The following C2CD5 variants were observed in gnomAD, a reference collection of about 807,000 sequenced individuals.
C2CD5 encodes C2 calcium dependent domain containing 5.
C2CD5 carries 109 observed loss-of-function variants against 130.3 expected under a neutral mutation model. The ratio of observed to expected loss-of-function variants is 0.84; its 90% CI spans 0.72 to 0.98. The LOEUF is 0.98. Ranked by LOEUF, C2CD5 falls within the 50% of genes least tolerant of loss-of-function variation. C2CD5 has a pLI of 0.00. For missense variants in C2CD5, 996 were observed against 1,261.8 expected, an observed-to-expected ratio of 0.79 and a Z score of 3.19; for synonymous variants, 454 against 429.2, an observed-to-expected ratio of 1.06 and a Z score of -0.71.
chr12:22,504,812 T>G (rs1267217722), intron 10 of C2CD5, among the ~76,000 whole-genome samples: 1 of 151,046 alleles, frequency 6.6e-6, no homozygotes, highest in Non-Finnish European at 1.5e-5. Flanking sequence ...ATAATTCAAG[T>G]TCCTTAACAC....
At chr12:22,489,351 T>C (rs1946041466) in intron 12 of C2CD5, among the ~76,000 whole-genome samples, 1 of 151,734 alleles carries the variant, frequency 6.6e-6, no homozygotes, top group Non-Finnish European at 1.5e-5. Context: ...CAGTCACCCT[T>C]CCGTATCCAT....
chr12:22,478,506 G>GA (rs1157840267), intron 14 of C2CD5, 29 bp from the exon 15 acceptor site: 13 of 1,583,660 alleles, frequency 8.2e-6, no homozygotes, highest in African/African-American at 2.7e-5. Flanking sequence ...GAAATAATCA[G>GA]AAAAAATATC....
chr12:22,536,672 G>T (rs1202373589), intron 2 of C2CD5, among the ~76,000 whole-genome samples: 4 of 152,168 alleles, frequency 2.6e-5, no homozygotes, highest in Non-Finnish European at 5.9e-5. Flanking sequence ...TTGTTAAGAG[G>T]ATGAAGAATA....
intron 24 of C2CD5, 71 bp from the exon 25 acceptor site, chr12:22,457,232 A>G: frequency 9.3e-7 from 1 of 1,077,024 alleles, no homozygotes; most frequent in Non-Finnish European, 1.3e-6. Flanking sequence ...TGAGGTTTCC[A>G]AATAAGTGGT....
In C2CD5 at chr12:22,476,617, A is replaced by G. The variant is rs75349138; in HGVS notation, c.1902+1696T>C. On this transcript the variant is annotated intron_variant, in intron 15 of 26. Coordinates refer to ENST00000446597, the MANE Select transcript of C2CD5 (RefSeq NM_001286176.2). ...TTATTTAAACACATCCCTGTCTCCAAAGGGCTTACATTATAGTAAAGGAAG... is the reference window on the plus strand; with the variant it reads ...TTATTTAAACACATCCCTGTCTCCAGAGGGCTTACATTATAGTAAAGGAAG... Among the ~76,000 whole-genome samples, 1,169 of 152,188 alleles carry G rather than the reference A, an allele frequency of 7.7e-3. 18 individuals are homozygous for G. Among genetic ancestry groups the G allele is most frequent in the African/African-American group, 0.027 (1,123 of 41,544 alleles).
At chr12:22,510,576 T>G (rs1029692182) in intron 9 of C2CD5, among the ~76,000 whole-genome samples, 1 of 152,206 alleles carries the variant, frequency 6.6e-6, no homozygotes, top group Non-Finnish European at 1.5e-5. Flanking sequence ...TTTCTAGATA[T>G]AAAATCCATA....
At chr12:22,475,664 AAT>A (rs1943735069) in intron 15 of C2CD5, among the ~76,000 whole-genome samples, 2 of 152,160 alleles carry the variant, frequency 1.3e-5, no homozygotes, top group Admixed American at 6.6e-5. Flanking sequence ...ATTTTTCAAA[AAT>A]ATATAGTTTT....
intron 10 of C2CD5, chr12:22,502,891 T>C (rs1947976317): frequency 1.7e-5 from 12 of 705,316 alleles, no homozygotes; most frequent in South Asian, 1.3e-4. Flanking sequence ...AAGAACGCAA[T>C]TGACAACACC....
chr12:22,527,258 TA>T (rs1950799772), intron 4 of C2CD5, among the ~76,000 whole-genome samples: 1 of 151,162 alleles, frequency 6.6e-6, no homozygotes, highest in Non-Finnish European at 1.5e-5. Context: ...ACAATTTTAC[TA>T]ACAATAATTT....
chr12:22,502,640 T>C (rs533005841), intron 10 of C2CD5: 86 of 634,072 alleles, frequency 1.4e-4, no homozygotes, highest in African/African-American at 6.6e-4. Flanking sequence ...TATAACTGAA[T>C]TGACCTTAAA....
Position 22,544,306 on chromosome 12 carries a change from G to A in C2CD5, c.-30+14C>T, listed in dbSNP as rs1006264151. The A allele has an allele frequency of 4.7e-5, 26 of 557,064 alleles. No individual in the cohort carries two copies. The highest frequency in any genetic ancestry group is 2.0e-4 in the Admixed American group (5 of 25,092). The allele number at this position is 557,064 out of a possible 1,614,324, so 34.5% of individuals were successfully genotyped here. A position where few individuals can be genotyped will look rare whatever the true frequency, so the allele number is the denominator to read the frequency against. On this transcript the variant is annotated intron_variant, in intron 1 of 26. Transcript: ENST00000446597. ...CGCGGGCGCCCGGCAGTCGCGCCACGGGTCGCCACTCACTGTCGCAGGAGG... is the reference window on the plus strand; with the variant it reads ...CGCGGGCGCCCGGCAGTCGCGCCACAGGTCGCCACTCACTGTCGCAGGAGG...
At chr12:22,457,293 A>AT (rs1940093345) in intron 24 of C2CD5, 132 bp from the exon 25 acceptor site, 1 of 557,334 alleles carries the variant, frequency 1.8e-6, no homozygotes, top group African/African-American at 2.0e-5. Context: ...AAGAAAAGAA[A>AT]TTATCATGCA....
At chr12:22,482,075 T>C (rs1293772294) in intron 14 of C2CD5, among the ~76,000 whole-genome samples, 3 of 152,086 alleles carry the variant, frequency 2.0e-5, no homozygotes, top group Admixed American at 2.0e-4. Context: ...CATCCTGGGG[T>C]AATTTTGCTC....
intron 1 of C2CD5, 68 bp downstream of exon 1, chr12:22,544,252 C>G (rs1952722365): frequency 8.3e-7 from 1 of 1,207,744 alleles, no homozygotes; most frequent in Non-Finnish European, 1.2e-6. Flanking sequence ...CGCGGGGTAA[C>G]TGACAGCGAA....
intron 22 of C2CD5, among the ~76,000 whole-genome samples, chr12:22,468,934 G>A (rs1238050592): frequency 1.3e-5 from 2 of 152,004 alleles, no homozygotes; most frequent in Non-Finnish European, 2.9e-5. Context: ...CATAAAAGTT[G>A]AATAGCTCAT....
At chr12:22,479,546 G>A (rs1383745399) in intron 14 of C2CD5, among the ~76,000 whole-genome samples, 2 of 152,162 alleles carry the variant, frequency 1.3e-5, no homozygotes, top group African/African-American at 4.8e-5. Context: ...AAAGGACAGG[G>A]AACTTTCTCA....
intron 2 of C2CD5, among the ~76,000 whole-genome samples, chr12:22,535,672 T>A (rs1475042457): frequency 6.6e-6 from 1 of 152,118 alleles, no homozygotes; most frequent in African/African-American, 2.4e-5. Context: ...ATCAGGTAAG[T>A]CACAGAAATG....
intron 22 of C2CD5, among the ~76,000 whole-genome samples, chr12:22,465,600 A>AT (rs533162971): frequency 5.7e-4 from 87 of 151,930 alleles, no homozygotes; most frequent in African/African-American, 2.0e-3. Flanking sequence ...AATCTCGCTG[A>AT]TTTTTTTTAC....
intron 8 of C2CD5, among the ~76,000 whole-genome samples, chr12:22,513,817 A>G (rs2136883335): frequency 6.6e-6 from 1 of 152,272 alleles, no homozygotes; most frequent in African/African-American, 2.4e-5. Flanking sequence ...CACTGAAAAT[A>G]TTCCAAAATT....
Sources: allele counts gnomAD v4.1 joint callset (sites outside exome capture counted in the v4.1 genomes callset), GRCh38; gene constraint gnomAD v4.1.1; transcripts MANE v1.5; gene names NCBI Gene and HGNC (gene_info 2026-07-23, HGNC 2026-07-21).